MBP: variants seen among roughly 807,000 people sequenced by gnomAD.
MBP encodes the protein Golli-MBP.
In MBP, 16 loss-of-function variants were observed where a neutral mutation model predicts 35.8. The observed-to-expected ratio is 0.45, with a 90% CI of 0.30 to 0.68. The LOEUF (loss-of-function observed/expected upper bound fraction) is 0.68, where lower values mean the gene tolerates loss of function less well. Ranked by LOEUF, MBP falls within the 30% of genes least tolerant of loss-of-function variation. MBP has a pLI of 0.08. For missense variants in MBP, 380 were observed against 404.7 expected (o/e 0.94, Z 0.52); for synonymous variants, 143 against 159.6 (o/e 0.90, Z 0.78).
chr18:77,021,705 G>A (rs375707800), intron 3 of MBP, among the ~76,000 whole-genome samples: 1 of 151,964 alleles, frequency 6.6e-6, no homozygotes, highest in Non-Finnish European at 1.5e-5. Flanking sequence ...GGCTGGTCTC[G>A]AACTCCTGAC....
intron 4 of MBP, chr18:77,014,140 T>C (rs541549024): frequency 1.0e-6 from 1 of 985,478 alleles, no homozygotes; most frequent in East Asian, 1.1e-4. Flanking sequence ...CACTTTTCAT[T>C]TACGGCTCTC....
chr18:76,988,615 T>C lies in MBP; in HGVS notation c.718-88A>G. The C allele has an allele frequency of 1.3e-6, 2 of 1,548,304 alleles. No homozygotes were observed. Among genetic ancestry groups the C allele is most frequent in the Non-Finnish European group, 1.7e-6 (2 of 1,150,304 alleles). ...AACAGGAAACACAGTCAAAGCACAG[T>C]GGAGCTGAGGTGGTAAAAACAGGTT... On this transcript the variant is annotated intron_variant, in intron 6 of 8. Transcript: ENST00000355994. The surrounding 1 kb of genome is among the most constrained non-coding windows in gnomAD (Gnocchi z 5.2).
intron 2 of MBP, among the ~76,000 whole-genome samples, chr18:77,084,634 A>G (rs1975149136): frequency 6.6e-6 from 1 of 152,140 alleles, no homozygotes; most frequent in Admixed American, 6.5e-5. Context: ...CGGAATGCAC[A>G]CATAGCTTAC....
chr18:76,997,858 A>G (rs528920284), intron 4 of MBP, among the ~76,000 whole-genome samples: 5 of 150,960 alleles, frequency 3.3e-5, no homozygotes, highest in East Asian at 2.0e-4. Context: ...ATTTTTTTGT[A>G]TTTTTAGTAG....
rs1969075014 is a variant in MBP, at chr18:76,979,807, TGGC to T, written c.*617_*619del. On this transcript the variant is annotated 3_prime_UTR_variant, in exon 9 of 9. Transcript: ENST00000355994. ...TGTGGGCAGCCACGGCCTGGGGAGG[TGGC>T]CCCCTCTCTGTGCTGCCCCACGTTG... The T allele has an allele frequency of 1.7e-6, 1 of 595,082 alleles. No homozygotes were observed. The highest frequency in any genetic ancestry group is 2.9e-5 in the Admixed American group (1 of 34,344). 36.9% of individuals were successfully genotyped at this position (595,082 alleles called of 1,614,324 possible).
At chr18:77,067,633 G>A (rs1177115460) in intron 2 of MBP, among the ~76,000 whole-genome samples, 1 of 152,126 alleles carries the variant, frequency 6.6e-6, no homozygotes, top group East Asian at 1.9e-4. Context: ...CAGTGCTGTG[G>A]GCAGCCGCGC....
intron 1 of MBP, among the ~76,000 whole-genome samples, chr18:77,129,893 G>A (rs987353948): frequency 2.7e-5 from 4 of 149,830 alleles, no homozygotes; most frequent in South Asian, 2.3e-4. Context: ...ACAAAAAAAC[G>A]CAAAAATCAG....
Position 77,044,635 on chromosome 18 carries a change from G to A in MBP, c.139+21663C>T, listed in dbSNP as rs10439001. On this transcript the variant is annotated intron_variant, in intron 3 of 8. Transcript: ENST00000355994. The surrounding 1 kb of genome is among the most constrained non-coding windows in gnomAD (Gnocchi z 4.4). ...CCCTCCGGTCACACCCTTCCATCCC[G>A]TGTGGTGCTGAGCCCCTCACACACA... Among the ~76,000 whole-genome samples, 110,421 of 151,950 alleles carry A rather than the reference G, an allele frequency of 0.73. 40,720 individuals are homozygous for A. Among genetic ancestry groups the A allele is most frequent in the Non-Finnish European group, 0.79 (53,972 of 67,962 alleles).
intron 3 of MBP, among the ~76,000 whole-genome samples, chr18:77,037,407 G>T (rs1350468964): frequency 6.6e-6 from 1 of 152,258 alleles, no homozygotes; most frequent in Non-Finnish European, 1.5e-5. Flanking sequence ...ATCCTCCAGT[G>T]AGGTCGGGAG....
At chr18:77,116,183 T>C (rs1976654143) in intron 1 of MBP, among the ~76,000 whole-genome samples, 1 of 151,932 alleles carries the variant, frequency 6.6e-6, no homozygotes, top group South Asian at 2.1e-4. Context: ...GCAACTGCCT[T>C]TCAGAACCTT....
intron 4 of MBP, among the ~76,000 whole-genome samples, chr18:76,993,183 G>A (rs545246239): frequency 1.3e-5 from 2 of 152,306 alleles, no homozygotes; most frequent in South Asian, 2.1e-4. Context: ...CATGGTCCAC[G>A]TTCTGAAAAT....
At chr18:77,029,615 C>T (rs1192066848) in intron 3 of MBP, among the ~76,000 whole-genome samples, 3 of 152,086 alleles carry the variant, frequency 2.0e-5, no homozygotes, top group Admixed American at 1.3e-4. Flanking sequence ...TGTGCCCATC[C>T]CTGATTTATT....
At chr18:77,026,006 C>CT (rs1972207753) in intron 3 of MBP, among the ~76,000 whole-genome samples, 1 of 152,252 alleles carries the variant, frequency 6.6e-6, no homozygotes, top group Non-Finnish European at 1.5e-5. Context: ...GCTCGCTGTG[C>CT]TCCCAGCCTG....
chr18:77,029,818 C>T (rs970760895), intron 3 of MBP, among the ~76,000 whole-genome samples: 1 of 151,178 alleles, frequency 6.6e-6, no homozygotes, highest in African/African-American at 2.4e-5. Flanking sequence ...ACGCAGTCAC[C>T]ACTGACCTGA....
intron 4 of MBP, chr18:77,016,205 A>C: frequency 2.0e-6 from 2 of 984,862 alleles, no homozygotes; most frequent in Non-Finnish European, 2.4e-6. Context: ...GAATAAAGAA[A>C]CTTCTAAGAC....
chr18:77,080,151 C>A (rs1451455135), intron 2 of MBP, among the ~76,000 whole-genome samples: 1 of 151,900 alleles, frequency 6.6e-6, no homozygotes, highest in Non-Finnish European at 1.5e-5. Flanking sequence ...TTTTTTGTTT[C>A]TTTAAAAAAA....
intron 4 of MBP, among the ~76,000 whole-genome samples, chr18:77,008,425 CTCG>C (rs1568284228): frequency 1.3e-5 from 2 of 152,284 alleles, no homozygotes; most frequent in African/African-American, 4.8e-5. Context: ...CAAGAGAGCC[CTCG>C]AAAACCAAGT....
At position 77,102,186 on chromosome 18, in the gene MBP, G is replaced by A. The variant is rs1048382356; in HGVS notation, c.51+3025C>T. 6.6e-6 allele frequency among the ~76,000 whole-genome samples: 1 copy of A among 152,154 alleles called. No individual in the cohort carries two copies. The highest frequency in any genetic ancestry group is 1.5e-5 in the Non-Finnish European group (1 of 68,026). The stretch of plus-strand genomic sequence containing the variant: ...AAGGAGGGGGCCCTCAGCAGCCTGG[G>A]CCGGGCAGTGGGGCAGAGGCAGTGT... On this transcript the variant is annotated intron_variant, in intron 2 of 8. Transcript: ENST00000355994. The surrounding 1 kb of genome is among the most constrained non-coding windows in gnomAD (Gnocchi z 4.4).
rs752545961 is a variant in MBP, at chr18:77,016,915, T to C, written c.493A>G (p.Arg165Gly). ...MDHARHGFLPRHRDTGILDSI... is the reference protein window; with the variant it reads ...MDHARHGFLPGHRDTGILDSI... ...TCAAGGATGCCCGTGTCTCTGTGCCTTGGGAGGAAGCCATGCCTGGCATGG... is the reference window on the plus strand; with the variant it reads ...TCAAGGATGCCCGTGTCTCTGTGCCCTGGGAGGAAGCCATGCCTGGCATGG... The change falls in exon 4 of 9, where the codon AGG (arginine) becomes GGG (glycine). Residue 165 changes from arginine (R) to glycine (G), a missense_variant. By Grantham distance (125) the Arg-to-Gly change is moderately radical (BLOSUM62 -2). Coordinates refer to ENST00000355994, the MANE Select transcript of MBP (RefSeq NM_001025101.2). 6.2e-7 allele frequency: 1 copy of C among 1,614,180 alleles called. No homozygotes were observed. The highest frequency in any genetic ancestry group is 8.5e-7 in the Non-Finnish European group (1 of 1,180,040).
Sources: allele counts gnomAD v4.1 joint callset (sites outside exome capture counted in the v4.1 genomes callset), GRCh38; gene constraint gnomAD v4.1.1; non-coding constraint Gnocchi (gnomAD v3.1); transcripts MANE v1.5; gene names NCBI Gene and HGNC (gene_info 2026-07-23, HGNC 2026-07-21).